Variants in SPMAP2L observed in about 807,000 individuals in gnomAD.
SPMAP2L encodes sperm microtubule associated protein 2-like.
At chr4:56,621,641 A>G in the SPMAP2L span, among the ~76,000 whole-genome samples, 9 of 152,362 alleles carry the variant, frequency 5.9e-5, no homozygotes, top group African/African-American at 1.9e-4. Context: ...ATTGAAAATA[A>G]TATGCACAGT....
At chr4:56,600,808 C>A in the SPMAP2L span, 2 of 930,102 alleles carry the variant, frequency 2.2e-6, no homozygotes, top group Non-Finnish European at 3.1e-6. Context: ...AGCAGAGAGA[C>A]CAGTTACGAG....
chr4:56,531,617 G>A, the SPMAP2L span, among the ~76,000 whole-genome samples: 1 of 152,246 alleles, frequency 6.6e-6, no homozygotes, highest in East Asian at 1.9e-4. Context: ...TCAGTGTTTG[G>A]CATATGGTCA....
chr4:56,577,970 T>C, the SPMAP2L span, among the ~76,000 whole-genome samples: 1 of 152,104 alleles, frequency 6.6e-6, no homozygotes, highest in Non-Finnish European at 1.5e-5. Context: ...AGAGTGAGAC[T>C]GTGTCCCAAA....
the SPMAP2L span, among the ~76,000 whole-genome samples, chr4:56,533,576 T>A: frequency 4.6e-3 from 706 of 152,236 alleles, 5 homozygotes; most frequent in African/African-American, 0.016. Context: ...TTCTTTAAGC[T>A]CTTTGCTCCT....
At chr4:56,604,146 A>G in the SPMAP2L span, among the ~76,000 whole-genome samples, 1 of 152,160 alleles carries the variant, frequency 6.6e-6, no homozygotes, top group Non-Finnish European at 1.5e-5. Context: ...GAGGGGTAAT[A>G]CCACATAGCA....
At chr4:56,550,134 A>G in the SPMAP2L span, among the ~76,000 whole-genome samples, 1 of 152,058 alleles carries the variant, frequency 6.6e-6, no homozygotes, top group Non-Finnish European at 1.5e-5. Context: ...CTTATTTTGT[A>G]TTTTATGTTT....
At chr4:56,596,477 A>G in the SPMAP2L span, 7 of 1,496,258 alleles carry the variant, frequency 4.7e-6, no homozygotes. Context: ...GCTTATAAGT[A>G]CTGTTTTATT....
the SPMAP2L span, chr4:56,530,946 GC>G: frequency 6.5e-7 from 1 of 1,535,034 alleles, no homozygotes; most frequent in South Asian, 1.2e-5. Flanking sequence ...CTCCCTATGC[GC>G]CCCACAAGCC....
At chr4:56,594,604 A>C in the SPMAP2L span, 1 of 1,531,812 alleles carries the variant, frequency 6.5e-7, no homozygotes, top group Non-Finnish European at 9.1e-7. Flanking sequence ...TTCTGAAATC[A>C]ACACATGGGA....
At chr4:56,552,231 A>C in the SPMAP2L span, among the ~76,000 whole-genome samples, 5 of 152,186 alleles carry the variant, frequency 3.3e-5, no homozygotes, top group Admixed American at 1.3e-4. Flanking sequence ...CCATCTACAA[A>C]TGACCTTAAT....
At chr4:56,582,103 A>G in the SPMAP2L span, among the ~76,000 whole-genome samples, 1 of 152,164 alleles carries the variant, frequency 6.6e-6, no homozygotes, top group Non-Finnish European at 1.5e-5. Flanking sequence ...TGATCTTGAG[A>G]TAGGCAATGG....
the SPMAP2L span, chr4:56,594,953 G>A: frequency 6.2e-7 from 1 of 1,611,656 alleles, no homozygotes; most frequent in Admixed American, 1.7e-5. Context: ...AGGTGGTCCT[G>A]GCATGGGGCC....
At chr4:56,608,367 T>C in the SPMAP2L span, among the ~76,000 whole-genome samples, 1 of 152,196 alleles carries the variant, frequency 6.6e-6, no homozygotes, top group Non-Finnish European at 1.5e-5. Context: ...ACCAAGAGTG[T>C]GACCAAGAGA....
At chr4:56,575,381 T>C in the SPMAP2L span, 5 of 1,128,560 alleles carry the variant, frequency 4.4e-6, no homozygotes, top group South Asian at 7.7e-5. Flanking sequence ...ACATGGAAAA[T>C]AGATCATCAA....
chr4:56,609,344 A>G, the SPMAP2L span, among the ~76,000 whole-genome samples: 1 of 152,142 alleles, frequency 6.6e-6, no homozygotes, highest in Non-Finnish European at 1.5e-5. Flanking sequence ...CCCAGCCACT[A>G]TTGTAATTTG....
the SPMAP2L span, among the ~76,000 whole-genome samples, chr4:56,607,811 C>T: frequency 6.6e-6 from 1 of 151,784 alleles, no homozygotes; most frequent in Non-Finnish European, 1.5e-5. Context: ...AACATAGGGA[C>T]ACCCCATTTT....
chr4:56,621,875 G>C, the SPMAP2L span, among the ~76,000 whole-genome samples: 1 of 152,160 alleles, frequency 6.6e-6, no homozygotes, highest in Non-Finnish European at 1.5e-5. Context: ...AGGATTTTTA[G>C]GGCGGTGAAA....
chr4:56,544,517 G>GA, the SPMAP2L span, among the ~76,000 whole-genome samples: 2 of 151,856 alleles, frequency 1.3e-5, no homozygotes, highest in South Asian at 2.1e-4. Context: ...TTGAAGAGGC[G>GA]AAAAAACGTA....
At chr4:56,557,144 G>A in the SPMAP2L span, among the ~76,000 whole-genome samples, 6 of 151,746 alleles carry the variant, frequency 4.0e-5, no homozygotes, top group Non-Finnish European at 8.8e-5. Context: ...AGCTATTCGG[G>A]AGGCTGAGGC....
Sources: gnomAD v4.1 joint callset for allele counts (sites outside exome capture counted in the v4.1 genomes callset) on GRCh38, gnomAD v4.1.1 for gene constraint, MANE v1.5 for transcripts, NCBI Gene and HGNC (gene_info 2026-07-23, HGNC 2026-07-21) for gene names.